The following FHIT variants were observed in gnomAD, a reference collection of about 807,000 sequenced individuals.
The protein encoded by FHIT is fragile histidine triad diadenosine triphosphatase, also known as bis(5'-adenosyl)-triphosphatase.
FHIT carries 19 observed loss-of-function variants against 17.9 expected under a neutral mutation model. The ratio of observed to expected loss-of-function variants is 1.06; its 90% CI spans 0.74 to 1.56. The LOEUF (loss-of-function observed/expected upper bound fraction) is 1.56. Ranked by LOEUF, FHIT falls within the 40% of genes most tolerant of loss-of-function variation. The probability of loss-of-function intolerance (pLI) is 0.00; values close to 1 mark genes in which losing one functional copy is unlikely to be tolerated. For synonymous variants in FHIT, 81 were observed against 69.7 expected (o/e 1.16, Z -0.81); for missense variants, 248 against 189.2 (o/e 1.31, Z -1.82).
chr3:61,078,525 C>T (rs911815940), intron 2 of FHIT, among the ~76,000 whole-genome samples: 5 of 152,152 alleles, frequency 3.3e-5, no homozygotes, highest in Non-Finnish European at 7.4e-5. Context: ...GCAACCAATG[C>T]TTCATCCATC....
At chr3:60,571,516 A>G (rs183270939) in intron 4 of FHIT, among the ~76,000 whole-genome samples, 37 of 152,204 alleles carry the variant, frequency 2.4e-4, no homozygotes, top group Admixed American at 3.9e-4. Context: ...AAAATTTTAC[A>G]GTAAACAGGA....
At chr3:59,779,732 T>C (rs1436038765) in intron 8 of FHIT, among the ~76,000 whole-genome samples, 2 of 152,154 alleles carry the variant, frequency 1.3e-5, no homozygotes, top group Non-Finnish European at 2.9e-5. Flanking sequence ...GGACCAATCC[T>C]GTACCTCTTT....
At chr3:60,886,622 A>G (rs78362114) in intron 3 of FHIT, among the ~76,000 whole-genome samples, 1,573 of 152,238 alleles carry the variant, frequency 0.01, 32 homozygotes, top group African/African-American at 0.035. Flanking sequence ...GCTGATCTAG[A>G]GGTAGAAAAA....
intron 4 of FHIT, among the ~76,000 whole-genome samples, chr3:60,637,524 G>A (rs781903244): frequency 1.3e-5 from 2 of 152,042 alleles, no homozygotes; most frequent in Non-Finnish European, 2.9e-5. Flanking sequence ...TTGAAAAAAT[G>A]AACTGCTACC....
chr3:61,073,114 A>G (rs2106746945), intron 2 of FHIT, among the ~76,000 whole-genome samples: 1 of 152,192 alleles, frequency 6.6e-6, no homozygotes, highest in East Asian at 1.9e-4. Context: ...TTGAACAACA[A>G]AGACCTCTTC....
chr3:60,495,052 T>C (rs531471258), intron 5 of FHIT, among the ~76,000 whole-genome samples: 1 of 152,164 alleles, frequency 6.6e-6, no homozygotes, highest in Non-Finnish European at 1.5e-5. Flanking sequence ...CTCCAAACTG[T>C]TCTCCTTAGT....
At chr3:60,705,521 C>A (rs62251540) in intron 4 of FHIT, among the ~76,000 whole-genome samples, 8,234 of 152,246 alleles carry the variant, frequency 0.054, 321 homozygotes, top group African/African-American at 0.1. Context: ...AAAGGAAAAG[C>A]AATTCTATTG....
chr3:60,557,058 G>A (rs1490752137), intron 4 of FHIT, among the ~76,000 whole-genome samples: 3 of 152,192 alleles, frequency 2.0e-5, no homozygotes, highest in South Asian at 2.1e-4. Context: ...ATACTAATAA[G>A]AGCTAATATT....
intron 5 of FHIT, among the ~76,000 whole-genome samples, chr3:60,230,820 C>G (rs1242974869): frequency 2.0e-5 from 3 of 152,220 alleles, no homozygotes; most frequent in Non-Finnish European, 4.4e-5. Context: ...AAGCAATTCT[C>G]CTGCCTGAGC....
intron 4 of FHIT, among the ~76,000 whole-genome samples, chr3:60,737,385 C>T (rs1345946038): frequency 1.3e-5 from 2 of 152,200 alleles, no homozygotes; most frequent in African/African-American, 4.8e-5. Flanking sequence ...AGAGTTGGGC[C>T]ATGACCAGTT....
intron 5 of FHIT, among the ~76,000 whole-genome samples, chr3:60,319,943 G>C (rs1476163338): frequency 6.6e-6 from 1 of 152,118 alleles, no homozygotes; most frequent in Non-Finnish European, 1.5e-5. Flanking sequence ...AACGACCTAA[G>C]AGGATGCACA....
chr3:61,014,498 G>A (rs777894718), intron 3 of FHIT, among the ~76,000 whole-genome samples: 45 of 151,612 alleles, frequency 3.0e-4, no homozygotes, highest in Non-Finnish European at 4.9e-4. Context: ...ACGTACATCC[G>A]GCTGGGCGCA....
intron 4 of FHIT, among the ~76,000 whole-genome samples, chr3:60,604,194 G>A (rs2107718225): frequency 6.6e-6 from 1 of 152,222 alleles, no homozygotes; most frequent in South Asian, 2.1e-4. Context: ...GGTGAGTCTG[G>A]CCTTGTGTAG....
intron 4 of FHIT, among the ~76,000 whole-genome samples, chr3:60,709,611 TG>T (rs2041465093): frequency 6.6e-6 from 1 of 152,218 alleles, no homozygotes; most frequent in Non-Finnish European, 1.5e-5. Context: ...ACAAAAATAG[TG>T]GTTCATTGGA....
chr3:60,931,325 T>C (rs1707941398), intron 3 of FHIT, among the ~76,000 whole-genome samples: 1 of 152,082 alleles, frequency 6.6e-6, no homozygotes, highest in Non-Finnish European at 1.5e-5. Context: ...GTAACAAACC[T>C]GCACGTTGTG....
At chr3:60,986,981 C>A (rs1298033871) in intron 3 of FHIT, among the ~76,000 whole-genome samples, 1 of 152,150 alleles carries the variant, frequency 6.6e-6, no homozygotes. Flanking sequence ...AGGGATGGGT[C>A]TTATTCATCA....
chr3:61,126,867 C>G (rs970438553), intron 2 of FHIT, among the ~76,000 whole-genome samples: 1 of 151,936 alleles, frequency 6.6e-6, no homozygotes. Context: ...AGAGAGCAAG[C>G]CCTACTGTAC....
At chr3:60,091,975 C>T (rs145517561) in intron 5 of FHIT, among the ~76,000 whole-genome samples, 9 of 152,294 alleles carry the variant, frequency 5.9e-5, no homozygotes, top group Non-Finnish European at 1.3e-4. Flanking sequence ...CACCATAGTA[C>T]CTCCAACCTG....
At chr3:61,157,383 T>C (rs554139408) in intron 2 of FHIT, among the ~76,000 whole-genome samples, 2 of 152,254 alleles carry the variant, frequency 1.3e-5, no homozygotes, top group South Asian at 4.1e-4. Flanking sequence ...GAGTATATAT[T>C]AATACCCAAG....
Sources: allele counts gnomAD v4.1 joint callset (sites outside exome capture counted in the v4.1 genomes callset), GRCh38; gene constraint gnomAD v4.1.1; transcripts MANE v1.5; gene names NCBI Gene and HGNC (gene_info 2026-07-23, HGNC 2026-07-21).